CHAT: variants seen among roughly 807,000 people sequenced by gnomAD.
The protein encoded by CHAT is choline O-acetyltransferase.
A neutral mutation model predicts 76.9 loss-of-function variants in CHAT; 61 were observed. That is an observed-to-expected ratio of 0.79 (90% CI 0.65 to 0.98). The LOEUF is 0.98. Ranked by LOEUF, CHAT falls within the 50% of genes least tolerant of loss-of-function variation. CHAT has a pLI of 0.00. For missense variants in CHAT, 946 were observed against 986.9 expected, an observed-to-expected ratio of 0.96 and a Z score of 0.56; for synonymous variants, 407 against 397.4, an observed-to-expected ratio of 1.02 and a Z score of -0.29.
intron 5 of CHAT, among the ~76,000 whole-genome samples, chr10:49,624,538 G>A (rs1010990497): frequency 3.3e-5 from 5 of 152,168 alleles, no homozygotes; most frequent in African/African-American, 1.2e-4. Flanking sequence ...ACAGTCTCCT[G>A]TTCACTGGTT....
chr10:49,619,577 A>G (rs939319821), intron 2 of CHAT, 148 bp from the exon 3 acceptor site: 1 of 758,248 alleles, frequency 1.3e-6, no homozygotes, highest in Non-Finnish European at 2.2e-6. Context: ...TAAATTCATA[A>G]TTTTGCTGAG....
chr10:49,637,014 A>G (rs1371712466), intron 7 of CHAT, among the ~76,000 whole-genome samples: 2 of 150,112 alleles, frequency 1.3e-5, no homozygotes, highest in Non-Finnish European at 3.0e-5. Context: ...CATTCCTGAT[A>G]TTGGTGGTTG....
Position 49,614,215 on chromosome 10 carries a change from G to T in CHAT, c.26G>T (p.Arg9Met). 6.5e-7 allele frequency: 1 copy of T among 1,529,054 alleles called. No individual in the cohort carries two copies. The highest frequency in any genetic ancestry group is 8.8e-7 in the Non-Finnish European group (1 of 1,131,322). The allele number at this position is 1,529,054 out of a possible 1,614,324, so 94.7% of individuals were successfully genotyped here. A position where few individuals can be genotyped will look rare whatever the true frequency, so the allele number is the denominator to read the frequency against. MGLRTAKK[R>M]GLGGGGKWKR... ...ATGGGGCTGAGGACAGCGAAGAAGAGGGGGCTTGGGGGAGGGGGGAAATGG... is the reference window on the plus strand; with the variant it reads ...ATGGGGCTGAGGACAGCGAAGAAGATGGGGCTTGGGGGAGGGGGGAAATGG... Residue 9 changes from arginine (R) to methionine (M), a missense_variant, in exon 1 of 15, where the codon AGG (arginine) becomes ATG (methionine). By Grantham distance (91) the Arg-to-Met change is moderately conservative (BLOSUM62 -1). This residue lies in a region of CHAT where 548 missense variants were observed against 516.2 expected (regional missense o/e 1.06). Coordinates refer to ENST00000337653, the MANE Select transcript of CHAT (RefSeq NM_020549.5).
intron 7 of CHAT, 26 bp downstream of exon 7, chr10:49,627,811 C>T (rs1363023346): frequency 6.2e-7 from 1 of 1,609,302 alleles, no homozygotes; most frequent in Non-Finnish European, 8.5e-7. Flanking sequence ...CAGCACATCT[C>T]CATGCCCATC....
intron 11 of CHAT, among the ~76,000 whole-genome samples, chr10:49,654,618 T>C (rs1045575149): frequency 2.0e-5 from 3 of 152,230 alleles, no homozygotes; most frequent in Admixed American, 6.5e-5. Flanking sequence ...CAGCTGCCCC[T>C]GGAAGGGAGG....
At chr10:49,664,602 T>C (rs1406882257) in intron 14 of CHAT, among the ~76,000 whole-genome samples, 175 bp from the exon 15 acceptor site, 1 of 152,216 alleles carries the variant, frequency 6.6e-6, no homozygotes, top group Non-Finnish European at 1.5e-5. Flanking sequence ...TCTGATATCA[T>C]GCAGTTAGAT....
In CHAT at chr10:49,665,679, C is replaced by T. The variant is rs1840326793; in HGVS notation, c.*633C>T. On this transcript the variant is annotated 3_prime_UTR_variant, in exon 15 of 15. Coordinates refer to ENST00000337653, the MANE Select transcript of CHAT (RefSeq NM_020549.5). ...CACAAACACATTTCTGCTTTCGTGC[C>T]CAGGGGCAGCCTTCTGTTGAGCTCA... Among the ~76,000 whole-genome samples, 1 of 152,132 alleles carries T rather than the reference C, an allele frequency of 6.6e-6. No homozygotes were observed. The highest frequency in any genetic ancestry group is 1.5e-5 in the Non-Finnish European group (1 of 68,022).
At chr10:49,625,036 A>C (rs367644617) in intron 5 of CHAT, among the ~76,000 whole-genome samples, 1 of 152,204 alleles carries the variant, frequency 6.6e-6, no homozygotes, top group African/African-American at 2.4e-5. Flanking sequence ...GGCACAAGGC[A>C]TGCTGAGACC....
upstream of CHAT, chr10:49,611,847 C>G (rs1372936931): frequency 6.2e-7 from 1 of 1,605,206 alleles, no homozygotes; most frequent in Non-Finnish European, 8.5e-7. Flanking sequence ...TGATCGGCGC[C>G]AGCTCGTGCA....
upstream of CHAT, chr10:49,611,227 T>C: frequency 6.2e-7 from 1 of 1,613,914 alleles, no homozygotes; most frequent in Non-Finnish European, 8.5e-7. Context: ...GGGCGTCATG[T>C]TCGCCTCTAC....
At chr10:49,649,396 A>G (rs1839790012) in intron 9 of CHAT, 112 bp from the exon 10 acceptor site, 19 of 1,531,092 alleles carry the variant, frequency 1.2e-5, no homozygotes, top group Non-Finnish European at 1.7e-5. Context: ...TACCCCCTGA[A>G]ACTCCATGGC....
At chr10:49,657,514 C>T (rs1840070562) in intron 13 of CHAT, among the ~76,000 whole-genome samples, 1 of 152,090 alleles carries the variant, frequency 6.6e-6, no homozygotes, top group African/African-American at 2.4e-5. Flanking sequence ...AGGCTACTAG[C>T]CCCCCTCCCC....
At position 49,627,657 on chromosome 10, in the gene CHAT, ATC is replaced by A; in HGVS notation, c.985_986del (p.Leu329ValfsTer27). The A allele has an allele frequency of 6.2e-7, 1 of 1,614,040 alleles. No individual in the cohort carries two copies. Among genetic ancestry groups the A allele is most frequent in the Non-Finnish European group, 8.5e-7 (1 of 1,179,968 alleles). ...AATTTCCGCCGTCTCAGTGAGGGGGATCTGTTCACTCAGTTGAGAAAGATAGT... is the reference window on the plus strand; with the variant it reads ...AATTTCCGCCGTCTCAGTGAGGGGGATGTTCACTCAGTTGAGAAAGATAGT... On this transcript the variant is annotated frameshift_variant, in exon 7 of 15. Transcript: ENST00000337653. LOFTEE classifies it high-confidence loss of function.
intron 4 of CHAT, 101 bp from the exon 5 acceptor site, chr10:49,621,996 A>T: frequency 7.4e-7 from 1 of 1,349,052 alleles, no homozygotes; most frequent in Non-Finnish European, 1.1e-6. Flanking sequence ...GAGGAAGGAG[A>T]TGGAAGGAAG....
chr10:49,665,089 C>G lies in CHAT; in HGVS notation c.*43C>G, dbSNP rs957231084. ...CACCTCCCAAACCCAGCCTCTAGAACAGCCAGACCCTGCAGATCCCCACTC... is the reference window on the plus strand; with the variant it reads ...CACCTCCCAAACCCAGCCTCTAGAAGAGCCAGACCCTGCAGATCCCCACTC... On this transcript the variant is annotated 3_prime_UTR_variant, in exon 15 of 15. Coordinates refer to ENST00000337653, the MANE Select transcript of CHAT (RefSeq NM_020549.5). 6.2e-7 allele frequency: 1 copy of G among 1,609,324 alleles called. No individual in the cohort carries two copies. The highest frequency in any genetic ancestry group is 8.5e-7 in the Non-Finnish European group (1 of 1,177,752).
chr10:49,614,178 G>A lies in CHAT; in HGVS notation c.-12G>A, dbSNP rs1398987479. On this transcript the variant is annotated 5_prime_UTR_variant, in exon 1 of 15. Transcript: ENST00000337653. ...GGGAGCTGAGATCCCTGGGCGGGGA[G>A]CTGGGGAAGGGATGGGGCTGAGGAC... 6.5e-7 allele frequency: 1 copy of A among 1,544,198 alleles called. No homozygotes were observed. The highest frequency in any genetic ancestry group is 8.7e-7 in the Non-Finnish European group (1 of 1,144,842).
rs1350463004 is a variant in CHAT, at chr10:49,625,631, T to C, written c.911T>C (p.Val304Ala). 1 of 1,580,312 alleles carries C rather than the reference T, an allele frequency of 6.3e-7. No homozygotes were observed. Among genetic ancestry groups the C allele is most frequent in the South Asian group, 1.2e-5 (1 of 86,802 alleles). ...AGCATCATGCCGGAGCCTGAGCACG[T>C]CATCGTAGCCTGCTGCAATCAGGTA... is the stretch of plus-strand genomic sequence containing the variant. The part of the protein sequence containing the change: ...NSSIMPEPEH[V>A]IVACCNQFFV... The change falls in exon 6 of 15, where the codon GTC becomes GCC. Residue 304 changes from valine to alanine, a missense_variant. This residue lies in a region of CHAT where 548 missense variants were observed against 516.2 expected (regional missense o/e 1.06). Transcript: ENST00000337653.
At chr10:49,622,879 G>A (rs930926985) in intron 5 of CHAT, among the ~76,000 whole-genome samples, 10 of 152,138 alleles carry the variant, frequency 6.6e-5, no homozygotes, top group Non-Finnish European at 2.9e-5. Flanking sequence ...AGGGGGCAAG[G>A]GGCAAACTTC....
intron 7 of CHAT, among the ~76,000 whole-genome samples, chr10:49,638,367 G>C (rs920066935): frequency 2.0e-5 from 3 of 151,990 alleles, no homozygotes; most frequent in African/African-American, 7.2e-5. Context: ...CATATAGCTG[G>C]GTAATGTTTT....
Sources: gnomAD v4.1 joint callset for allele counts (sites outside exome capture counted in the v4.1 genomes callset) on GRCh38, gnomAD v4.1.1 for gene constraint, gnomAD v4.1.1 regional missense constraint, MANE v1.5 for transcripts, NCBI Gene and HGNC (gene_info 2026-07-23, HGNC 2026-07-21) for gene names.